The following MICAL2 variants were observed in gnomAD, a reference collection of about 807,000 sequenced individuals.
MICAL2 encodes the protein [F-actin]-monooxygenase MICAL2.
Under a neutral mutation model 127.3 loss-of-function variants are expected in MICAL2, and 77 were observed. The observed-to-expected ratio is 0.60, with a 90% CI of 0.50 to 0.73. The LOEUF is 0.73. Ranked by LOEUF, MICAL2 falls within the 30% of genes least tolerant of loss-of-function variation. MICAL2 has a pLI of 0.00. For synonymous variants in MICAL2, 570 were observed against 551.1 expected (o/e 1.03, Z -0.48); for missense variants, 1,351 against 1,434.4 (o/e 0.94, Z 0.94).
intron 3 of MICAL2, among the ~76,000 whole-genome samples, chr11:12,166,077 G>A (rs1188538092): frequency 6.6e-6 from 1 of 152,202 alleles, no homozygotes; most frequent in East Asian, 1.9e-4. Context: ...TAGTGTTACG[G>A]AGGAAAACGA....
chr11:12,332,574 GC>G (rs143549709), intron 32 of MICAL2, among the ~76,000 whole-genome samples: 4,524 of 152,232 alleles, frequency 0.03, 94 homozygotes, highest in African/African-American at 0.055. Flanking sequence ...GTACATCAGA[GC>G]AAGAGAGTTT....
intron 2 of MICAL2, among the ~76,000 whole-genome samples, chr11:12,155,429 C>A (rs898879194): frequency 5.3e-5 from 8 of 152,092 alleles, no homozygotes; most frequent in African/African-American, 1.7e-4. Flanking sequence ...TATACACAAA[C>A]ATGCATATAT....
chr11:12,206,917 C>T (rs1025594915), intron 4 of MICAL2, among the ~76,000 whole-genome samples: 2 of 152,164 alleles, frequency 1.3e-5, no homozygotes, highest in Non-Finnish European at 2.9e-5. Flanking sequence ...GCCCTCCAGC[C>T]CTGTTGCTGC....
intron 32 of MICAL2, chr11:12,327,321 C>A: frequency 1.4e-6 from 2 of 1,430,966 alleles, no homozygotes; most frequent in Non-Finnish European, 1.9e-6. Context: ...ATAGTGCTAG[C>A]GTAACCATCT....
chr11:12,166,812 C>G (rs866408959), intron 3 of MICAL2, among the ~76,000 whole-genome samples: 1 of 152,044 alleles, frequency 6.6e-6, no homozygotes, highest in Non-Finnish European at 1.5e-5. Context: ...AGTCTGGGAA[C>G]GCTTCCTGGA....
At chr11:12,353,391 G>A (rs188630692) in intron 33 of MICAL2, among the ~76,000 whole-genome samples, 20 of 152,262 alleles carry the variant, frequency 1.3e-4, no homozygotes, top group Admixed American at 9.1e-4. Flanking sequence ...CCTTTGGATG[G>A]CTTCTTCCCT....
Position 12,231,415 on chromosome 11 carries a change from G to T in MICAL2, c.1995+4284G>T, listed in dbSNP as rs375267888. On this transcript the variant is annotated intron_variant, in intron 15 of 27. Transcript: ENST00000683283. ...AAATGTGACTGACATTTTTGTCAGT[G>T]TGTGGTCTGAGTGGTCCAGGTCCCC... Among the ~76,000 whole-genome samples, 43 of 152,324 alleles carry T rather than the reference G, an allele frequency of 2.8e-4. No homozygotes were observed. The East Asian group carries it at 5.4e-3, about 19-fold the overall frequency.
chr11:12,230,718 C>CG (rs1554991865), intron 15 of MICAL2, among the ~76,000 whole-genome samples: 1 of 151,442 alleles, frequency 6.6e-6, no homozygotes, highest in Non-Finnish European at 1.5e-5. Context: ...CTTCTTTCCC[C>CG]CCCCATCTTA....
At chr11:12,201,291 A>G (rs1488354483) in intron 3 of MICAL2, among the ~76,000 whole-genome samples, 1 of 151,882 alleles carries the variant, frequency 6.6e-6, no homozygotes, top group African/African-American at 2.4e-5. Context: ...AGCCACACTG[A>G]TCGTGGTGTG....
chr11:12,223,470 G>C lies in MICAL2; in HGVS notation c.1509G>C (p.Ser503=). 4 of 1,614,034 alleles carry C rather than the reference G, an allele frequency of 2.5e-6. No homozygotes were observed. The highest frequency in any genetic ancestry group is 2.2e-5 in the South Asian group (2 of 91,070). ...LEHYPLERLG[S]VRRSVNLSRK... ...ACTACCCTCTCGAGAGACTGGGCTC[G>C]GTGAGGAGATCTGTCAACCTCTCCA... The change falls in exon 12 of 28, where the codon TCG becomes TCC. Residue 503 remains serine (S), a synonymous_variant. Coordinates refer to ENST00000683283, the MANE Select transcript of MICAL2 (RefSeq NM_001282663.2).
intron 24 of MICAL2, among the ~76,000 whole-genome samples, chr11:12,269,475 C>A (rs780502063): frequency 6.6e-6 from 1 of 152,340 alleles, no homozygotes; most frequent in Non-Finnish European, 1.5e-5. Context: ...CTGGAGCCTG[C>A]AGAGCTGTTG....
chr11:12,240,948 C>A, intron 17 of MICAL2, 92 bp from the exon 18 acceptor site: 1 of 1,496,106 alleles, frequency 6.7e-7, no homozygotes, highest in South Asian at 1.3e-5. Flanking sequence ...CCCTGCTCCT[C>A]TTCTCTTCTC....
At chr11:12,177,928 G>C (rs1044083289) in intron 3 of MICAL2, among the ~76,000 whole-genome samples, 6 of 152,130 alleles carry the variant, frequency 3.9e-5, no homozygotes, top group Non-Finnish European at 8.8e-5. Flanking sequence ...ATCTGATATT[G>C]TGAAATATAT....
intron 32 of MICAL2, among the ~76,000 whole-genome samples, chr11:12,334,470 C>A (rs1009731139): frequency 1.3e-5 from 2 of 151,226 alleles, no homozygotes; most frequent in Non-Finnish European, 1.5e-5. Flanking sequence ...TATTATTATA[C>A]TTTAAGTTTT....
At chr11:12,112,381 G>T (rs1849676230) in intron 1 of MICAL2, among the ~76,000 whole-genome samples, 1 of 152,138 alleles carries the variant, frequency 6.6e-6, no homozygotes, top group African/African-American at 2.4e-5. Context: ...GATAGTGTTG[G>T]CCAGATTGCT....
Position 12,172,745 on chromosome 11 carries a change from A to G in MICAL2, c.264+10326A>G, listed in dbSNP as rs557653340. On this transcript the variant is annotated intron_variant, in intron 3 of 27. Coordinates refer to ENST00000683283, the MANE Select transcript of MICAL2 (RefSeq NM_001282663.2). ...TCCTATTAACAGGCCCCCATCTCAC[A>G]CATTGAATCCCAGGTACCACCCAGA... 3.9e-5 allele frequency among the ~76,000 whole-genome samples: 6 copies of G among 152,134 alleles called. No individual in the cohort carries two copies. The East Asian group carries it at 1.2e-3, about 29-fold the overall frequency.
At chr11:12,223,566 C>A in intron 12 of MICAL2, 65 bp downstream of exon 12, 1 of 1,436,334 alleles carries the variant, frequency 7.0e-7, no homozygotes, top group Non-Finnish European at 9.8e-7. Context: ...GAGGACTGCT[C>A]AGTGACCGTG....
chr11:12,287,388 C>T (rs922940529), downstream of MICAL2: 10 of 356,870 alleles, frequency 2.8e-5, no homozygotes, highest in African/African-American at 6.3e-5. Flanking sequence ...TCCACCCCAC[C>T]CCTGGCTCAG....
At chr11:12,275,249 T>C (rs1385503266), upstream of MICAL2, among the ~76,000 whole-genome samples, 1 of 152,178 alleles carries the variant, frequency 6.6e-6, no homozygotes, top group Non-Finnish European at 1.5e-5. Context: ...GAGTCTGATG[T>C]GTCTGTTAGA....
Sources: gnomAD v4.1 joint callset for allele counts (sites outside exome capture counted in the v4.1 genomes callset) on GRCh38, gnomAD v4.1.1 for gene constraint, MANE v1.5 for transcripts, NCBI Gene and HGNC (gene_info 2026-07-23, HGNC 2026-07-21) for gene names.